Variants in CNTLN observed in about 807,000 individuals in gnomAD.
The protein encoded by CNTLN is centlein, centrosomal protein.
In CNTLN, 212 loss-of-function variants were observed where a neutral mutation model predicts 180.0. The observed-to-expected ratio is 1.18, with a 90% CI of 1.05 to 1.32. CNTLN has a LOEUF of 1.32. Among genes scored for constraint, CNTLN ranks in the 40% most tolerant of loss-of-function variants. The pLI is 0.00. For synonymous variants in CNTLN, 722 were observed against 563.1 expected (o/e 1.28, Z -3.99); for missense variants, 2,095 against 1,610.9 (o/e 1.30, Z -5.14).
chr9:17,328,126 A>T (rs1380995595), intron 8 of CNTLN, among the ~76,000 whole-genome samples: 1 of 152,140 alleles, frequency 6.6e-6, no homozygotes, highest in Non-Finnish European at 1.5e-5. Context: ...CTATTTCTAC[A>T]TATAATATAC....
chr9:17,491,030 G>T (rs1833135141), intron 25 of CNTLN, among the ~76,000 whole-genome samples: 2 of 151,942 alleles, frequency 1.3e-5, no homozygotes, highest in East Asian at 1.9e-4. Context: ...TCCAAACAAG[G>T]AGTCAGTTTT....
intron 23 of CNTLN, among the ~76,000 whole-genome samples, chr9:17,483,100 A>T (rs1295860329): frequency 2.6e-5 from 4 of 152,126 alleles, no homozygotes; most frequent in African/African-American, 4.8e-5. Context: ...AAGAACAAAT[A>T]ATGAAATAAT....
chr9:17,197,532 C>T (rs1264987448), intron 2 of CNTLN, among the ~76,000 whole-genome samples: 1 of 152,056 alleles, frequency 6.6e-6, no homozygotes, highest in African/African-American at 2.4e-5. Flanking sequence ...GTTAGTATGT[C>T]TTCTTTTGAG....
At chr9:17,215,630 G>A (rs1366038414) in intron 2 of CNTLN, among the ~76,000 whole-genome samples, 5 of 152,140 alleles carry the variant, frequency 3.3e-5, no homozygotes, top group African/African-American at 1.2e-4. Flanking sequence ...CTTTTGTTTG[G>A]CTATGCCCTG....
At chr9:17,152,139 G>GT (rs1347774224) in intron 2 of CNTLN, among the ~76,000 whole-genome samples, 1 of 152,038 alleles carries the variant, frequency 6.6e-6, no homozygotes, top group African/African-American at 2.4e-5. Flanking sequence ...TTTTTGAAGG[G>GT]TTTTTTGTGT....
At chr9:17,474,218 T>A (rs553714989) in intron 23 of CNTLN, among the ~76,000 whole-genome samples, 21 of 152,284 alleles carry the variant, frequency 1.4e-4, no homozygotes, top group African/African-American at 5.1e-4. Flanking sequence ...TAGTTGTGAT[T>A]TTCACTTGGA....
chr9:17,372,263 G>T (rs12379104), intron 13 of CNTLN, among the ~76,000 whole-genome samples: 85,691 of 151,916 alleles, frequency 0.56, 24,580 homozygotes, highest in East Asian at 0.73. Context: ...ATGTGAAAAA[G>T]TAGACATTAC....
chr9:17,269,863 C>G (rs528755285), intron 5 of CNTLN, among the ~76,000 whole-genome samples: 1 of 152,094 alleles, frequency 6.6e-6, no homozygotes, highest in Non-Finnish European at 1.5e-5. Context: ...GTGAGTTACA[C>G]AAGTGTTTTT....
At chr9:17,312,366 A>ATATATATATATAT (rs1307375538) in intron 8 of CNTLN, among the ~76,000 whole-genome samples, 3 of 9,328 alleles carry the variant, frequency 3.2e-4, no homozygotes, top group Admixed American at 2.6e-3. Context: ...TATATATATT[A>ATATATATATATAT]TATATATATA....
chr9:17,341,025 G>T lies in CNTLN; in HGVS notation c.1766+77G>T, dbSNP rs112338266. On this transcript the variant is annotated intron_variant, in intron 11 of 25. Coordinates refer to ENST00000380647, the MANE Select transcript of CNTLN (RefSeq NM_017738.4). ...GTAGCATTATATAGGTGTCTTAATG[G>T]CTTTTGTTTGGTTTTAAAGAAATTA... 4.3e-4 allele frequency: 561 copies of T among 1,298,852 alleles called. 1 individual carries two copies. In the African/African-American group the frequency reaches 7.6e-3, roughly 18 times the overall value. The allele number at this position is 1,298,852 out of a possible 1,614,324, so 80.5% of individuals were successfully genotyped here.
chr9:17,454,429 C>T (rs1213296128), intron 18 of CNTLN, among the ~76,000 whole-genome samples: 1 of 152,130 alleles, frequency 6.6e-6, no homozygotes, highest in East Asian at 1.9e-4. Context: ...GCATATCTGC[C>T]TTCAATACCT....
At chr9:17,366,279 C>T (rs1430435090) in intron 12 of CNTLN, among the ~76,000 whole-genome samples, 1 of 145,526 alleles carries the variant, frequency 6.9e-6, no homozygotes, top group Non-Finnish European at 1.5e-5. Context: ...GTGCGCGTAA[C>T]CATGATGGGC....
At chr9:17,165,279 T>C (rs1228289594) in intron 2 of CNTLN, among the ~76,000 whole-genome samples, 2 of 152,160 alleles carry the variant, frequency 1.3e-5, no homozygotes, top group Non-Finnish European at 2.9e-5. Flanking sequence ...TTAAATGTGA[T>C]GGGTTAAGCA....
intron 5 of CNTLN, among the ~76,000 whole-genome samples, chr9:17,267,604 A>C (rs900878384): frequency 7.9e-5 from 12 of 151,974 alleles, no homozygotes; most frequent in African/African-American, 2.2e-4. Context: ...AGATTGGGGA[A>C]GTTCTCCTGG....
intron 6 of CNTLN, among the ~76,000 whole-genome samples, chr9:17,294,005 G>A (rs1030166819): frequency 1.3e-5 from 2 of 152,110 alleles, no homozygotes; most frequent in African/African-American, 2.4e-5. Context: ...GGACCCTTGC[G>A]GTGAGTGTTA....
rs190912112 is a variant in CNTLN at position 17,252,914 on chromosome 9, C to G, written c.849+16326C>G. ...CTGTTTCCATGTATTACAATTAAGC[C>G]TTTAATCCATCTTAAGTTTATTTGT... On this transcript the variant is annotated intron_variant, in intron 5 of 25. Transcript: ENST00000380647. 4.0e-3 allele frequency among the ~76,000 whole-genome samples: 606 copies of G among 151,690 alleles called. 3 individuals carry two copies. Among genetic ancestry groups the G allele is most frequent in the Middle Eastern group, 0.037 (11 of 294 alleles).
At chr9:17,253,174 C>G (rs552982681) in intron 5 of CNTLN, among the ~76,000 whole-genome samples, 1 of 151,660 alleles carries the variant, frequency 6.6e-6, no homozygotes, top group Admixed American at 6.6e-5. Flanking sequence ...TTAATATATC[C>G]TTGTAATATG....
the CNTLN span, among the ~76,000 whole-genome samples, chr9:17,510,313 A>G: frequency 6.6e-6 from 1 of 152,244 alleles, no homozygotes; most frequent in Non-Finnish European, 1.5e-5. Flanking sequence ...ATGACCAATT[A>G]CATAAATGAG....
intron 25 of CNTLN, among the ~76,000 whole-genome samples, chr9:17,495,617 A>C (rs1035462630): frequency 6.7e-6 from 1 of 149,908 alleles, no homozygotes; most frequent in African/African-American, 2.5e-5. Context: ...GCTAAAGTTA[A>C]TTTATTATTG....
Sources: allele counts gnomAD v4.1 joint callset (sites outside exome capture counted in the v4.1 genomes callset), GRCh38; gene constraint gnomAD v4.1.1; transcripts MANE v1.5; gene names NCBI Gene and HGNC (gene_info 2026-07-23, HGNC 2026-07-21).